CCDC178: variants seen among roughly 807,000 people sequenced by gnomAD.
CCDC178 encodes the protein coiled-coil domain containing 178, also known as coiled-coil domain-containing protein 178.
In CCDC178, 126 loss-of-function variants were observed where a neutral mutation model predicts 117.4. The observed-to-expected ratio is 1.07, with a 90% CI of 0.93 to 1.24. The LOEUF (loss-of-function observed/expected upper bound fraction) is 1.24. CCDC178 is among the 50% of genes most tolerant of loss of function. CCDC178 has a pLI of 0.00. For synonymous variants in CCDC178, 283 were observed against 313.4 expected, an observed-to-expected ratio of 0.90 and a Z score of 1.02; for missense variants, 1,030 against 986.9, an observed-to-expected ratio of 1.04 and a Z score of -0.59.
chr18:33,113,518 G>A (rs2057811726), intron 20 of CCDC178, among the ~76,000 whole-genome samples: 1 of 151,810 alleles, frequency 6.6e-6, no homozygotes. Flanking sequence ...TCATTATCTT[G>A]AGATTCAACA....
intron 21 of CCDC178, among the ~76,000 whole-genome samples, chr18:32,992,880 T>C (rs1295049152): frequency 2.0e-5 from 3 of 152,096 alleles, no homozygotes; most frequent in African/African-American, 4.8e-5. Context: ...CTCAAGGATG[T>C]TGGGGCCAGG....
chr18:33,224,871 T>C lies in CCDC178; in HGVS notation c.1722A>G (p.Ala574=), dbSNP rs1414796357. 6.3e-7 allele frequency: 1 copy of C among 1,578,948 alleles called. No individual in the cohort carries two copies. The highest frequency in any genetic ancestry group is 8.6e-7 in the Non-Finnish European group (1 of 1,161,566). Residue 574 remains alanine (A), a synonymous_variant, in exon 17 of 23, where the codon GCA becomes GCG. Coordinates refer to ENST00000383096, the MANE Select transcript of CCDC178 (RefSeq NM_001105528.4). ...LERKELIKNR[A]ICAMSLAELQ... ...GTTCTGCCAGTGACATGGCACATATTGCTCTATTTTTTATAAGCTCTTTCC... is the reference window on the plus strand; with the variant it reads ...GTTCTGCCAGTGACATGGCACATATCGCTCTATTTTTTATAAGCTCTTTCC...
intron 20 of CCDC178, among the ~76,000 whole-genome samples, chr18:33,129,057 A>G (rs2058040872): frequency 6.6e-6 from 1 of 152,176 alleles, no homozygotes; most frequent in African/African-American, 2.4e-5. Context: ...TTCAAAAACA[A>G]TAATACTTTC....
At chr18:32,943,066 GT>G (rs1174361780) in intron 22 of CCDC178, among the ~76,000 whole-genome samples, 1 of 152,184 alleles carries the variant, frequency 6.6e-6, no homozygotes, top group East Asian at 1.9e-4. Flanking sequence ...TTGTGCTGAA[GT>G]TAGGGGATAT....
intron 20 of CCDC178, among the ~76,000 whole-genome samples, chr18:33,096,919 T>C (rs1294476860): frequency 2.0e-5 from 3 of 152,124 alleles, no homozygotes; most frequent in Non-Finnish European, 4.4e-5. Flanking sequence ...GTAGCAATGA[T>C]CTGAGACTTT....
intron 20 of CCDC178, among the ~76,000 whole-genome samples, chr18:33,177,001 T>C (rs2058671236): frequency 6.6e-6 from 1 of 152,200 alleles, no homozygotes; most frequent in Non-Finnish European, 1.5e-5. Flanking sequence ...TATTTAAAGA[T>C]TGAACTCACC....
At chr18:33,001,250 T>C (rs2055625726) in intron 21 of CCDC178, among the ~76,000 whole-genome samples, 1 of 152,178 alleles carries the variant, frequency 6.6e-6, no homozygotes, top group Admixed American at 6.5e-5. Context: ...CCAGGCGCAG[T>C]GGCTCATGCC....
intron 20 of CCDC178, among the ~76,000 whole-genome samples, chr18:33,156,687 T>C (rs1055270989): frequency 1.1e-4 from 16 of 144,334 alleles, no homozygotes; most frequent in Admixed American, 1.1e-3. Context: ...AAAGAAGAAG[T>C]ACTGAATTGT....
chr18:33,101,832 A>G (rs2057632620), intron 20 of CCDC178, among the ~76,000 whole-genome samples: 1 of 151,986 alleles, frequency 6.6e-6, no homozygotes, highest in Non-Finnish European at 1.5e-5. Context: ...TGAATGATTA[A>G]AATATGTATA....
Position 32,979,035 on chromosome 18 carries a change from TA to T in CCDC178, c.2389-4355del, listed in dbSNP as rs778115678. 5.2e-3 allele frequency among the ~76,000 whole-genome samples: 578 copies of T among 111,798 alleles called. 1 individual carries two copies. Among genetic ancestry groups the T allele is most frequent in the African/African-American group, 6.9e-3 (206 of 29,710 alleles). 73.3% of individuals were successfully genotyped at this position (111,798 alleles called of 152,430 possible). A position where few individuals can be genotyped will look rare whatever the true frequency, so the allele number is the denominator to read the frequency against. On this transcript the variant is annotated intron_variant, in intron 21 of 22. Transcript: ENST00000383096. Reference sequence around the variant, plus strand: ...CTGGGAGACAGAGTGAGAATCCGTCTAAAAAAAAAAAAAGAGAGAAAAAAAA... The same window carrying T: ...CTGGGAGACAGAGTGAGAATCCGTCTAAAAAAAAAAAAGAGAGAAAAAAAA...
At chr18:33,144,159 G>A (rs565938095) in intron 20 of CCDC178, among the ~76,000 whole-genome samples, 9 of 152,100 alleles carry the variant, frequency 5.9e-5, no homozygotes, top group African/African-American at 1.4e-4. Context: ...CCAACTACCC[G>A]CAAGCATCCT....
At chr18:33,345,542 T>C (rs2062880135) in intron 9 of CCDC178, among the ~76,000 whole-genome samples, 1 of 152,216 alleles carries the variant, frequency 6.6e-6, no homozygotes. Context: ...GTGCCTAAAA[T>C]ATCACTTAAA....
intron 20 of CCDC178, among the ~76,000 whole-genome samples, chr18:33,093,618 C>A (rs1379959320): frequency 6.6e-6 from 1 of 151,282 alleles, no homozygotes; most frequent in East Asian, 1.9e-4. Flanking sequence ...TATTCATTGG[C>A]AAATTGGGGG....
chr18:33,400,123 A>G (rs1447949262), intron 3 of CCDC178, among the ~76,000 whole-genome samples: 1 of 139,794 alleles, frequency 7.2e-6, no homozygotes, highest in Admixed American at 7.4e-5. Context: ...TTTGAGCAGT[A>G]GGTCTCCATA....
At chr18:33,395,739 G>T (rs775732968) in intron 4 of CCDC178, among the ~76,000 whole-genome samples, 5 of 151,988 alleles carry the variant, frequency 3.3e-5, no homozygotes, top group Non-Finnish European at 5.9e-5. Flanking sequence ...GAATGCCCAT[G>T]AATAATTTTT....
intron 22 of CCDC178, among the ~76,000 whole-genome samples, chr18:32,965,192 A>T (rs566303519): frequency 5.3e-5 from 8 of 152,084 alleles, no homozygotes; most frequent in Admixed American, 2.6e-4. Flanking sequence ...AGCCACACAG[A>T]TCACAAATCC....
intron 20 of CCDC178, among the ~76,000 whole-genome samples, chr18:33,122,457 T>C (rs2057949480): frequency 6.6e-6 from 1 of 152,156 alleles, no homozygotes; most frequent in Admixed American, 6.6e-5. Context: ...TATATTTATG[T>C]AGCCTTCATA....
At chr18:33,221,413 T>A (rs1460682427) in intron 18 of CCDC178, among the ~76,000 whole-genome samples, 6 of 151,956 alleles carry the variant, frequency 3.9e-5, no homozygotes, top group Admixed American at 3.9e-4. Context: ...AAGAGATAGA[T>A]GGACATGAGA....
intron 11 of CCDC178, among the ~76,000 whole-genome samples, chr18:33,322,263 G>T (rs1002458801): frequency 1.3e-5 from 2 of 151,820 alleles, no homozygotes; most frequent in African/African-American, 4.8e-5. Context: ...TCACCTCGGG[G>T]TATTTTAAAA....
Sources: allele counts gnomAD v4.1 joint callset (sites outside exome capture counted in the v4.1 genomes callset), GRCh38; gene constraint gnomAD v4.1.1; transcripts MANE v1.5; gene names NCBI Gene and HGNC (gene_info 2026-07-23, HGNC 2026-07-21).